PDE3B: variants seen among roughly 807,000 people sequenced by gnomAD.
PDE3B encodes the protein cGMP-inhibited 3',5'-cyclic phosphodiesterase 3B.
In PDE3B, 66 loss-of-function variants were observed where a neutral mutation model predicts 116.8. The observed-to-expected ratio is 0.56, with a 90% confidence interval of 0.46 to 0.69. The LOEUF is 0.69. Ranked by LOEUF, PDE3B falls within the 30% of genes least tolerant of loss-of-function variation. The probability of loss-of-function intolerance (pLI) is 0.00; values close to 1 mark genes in which losing one functional copy is unlikely to be tolerated. For synonymous variants in PDE3B, 595 were observed against 533.6 expected (o/e 1.12, Z -1.59); for missense variants, 1,384 against 1,368.1 (o/e 1.01, Z -0.18).
At chr11:14,821,691 C>T (rs568944531) in intron 7 of PDE3B, among the ~76,000 whole-genome samples, 6 of 152,124 alleles carry the variant, frequency 3.9e-5, no homozygotes, top group Admixed American at 6.5e-5. Context: ...AGTAATACTT[C>T]CAGATCATCA....
chr11:14,673,668 T>C (rs1204453196), intron 1 of PDE3B: 2 of 714,322 alleles, frequency 2.8e-6, no homozygotes, highest in Admixed American at 1.8e-5. Flanking sequence ...TGCCAGGTAC[T>C]TCAGGAAATC....
chr11:14,736,613 C>G (rs2133859995), intron 1 of PDE3B, among the ~76,000 whole-genome samples: 1 of 152,184 alleles, frequency 6.6e-6, no homozygotes, highest in Non-Finnish European at 1.5e-5. Flanking sequence ...TCAAATATCC[C>G]AATACAGATG....
chr11:14,718,575 C>G (rs1379544064), intron 1 of PDE3B, among the ~76,000 whole-genome samples: 1 of 149,696 alleles, frequency 6.7e-6, no homozygotes, highest in African/African-American at 2.4e-5. Context: ...AACTATCTCT[C>G]AGACCACAGT....
the PDE3B span, among the ~76,000 whole-genome samples, chr11:14,894,679 C>T: frequency 6.6e-6 from 1 of 152,166 alleles, no homozygotes; most frequent in Non-Finnish European, 1.5e-5. Context: ...CACAGCTCCC[C>T]TTGAGAGATA....
chr11:14,825,957 T>TA (rs983362599), intron 7 of PDE3B, among the ~76,000 whole-genome samples: 22 of 152,030 alleles, frequency 1.4e-4, no homozygotes, highest in East Asian at 1.2e-3. Flanking sequence ...AAATCAAGAC[T>TA]AAAAAAAATC....
chr11:14,734,727 G>A (rs376711917), intron 1 of PDE3B, among the ~76,000 whole-genome samples: 1 of 151,798 alleles, frequency 6.6e-6, no homozygotes, highest in South Asian at 2.1e-4. Flanking sequence ...AAATTTATTC[G>A]GTGGAAATCT....
At chr11:14,865,693 T>C (rs1312031831) in intron 14 of PDE3B, among the ~76,000 whole-genome samples, 1 of 152,180 alleles carries the variant, frequency 6.6e-6, no homozygotes, top group African/African-American at 2.4e-5. Flanking sequence ...ACCTAATTTG[T>C]AAGATTATAC....
chr11:14,745,676 C>T lies in PDE3B; in HGVS notation c.979-26261C>T, dbSNP rs1856892596. ...TATGTATATTTTTTTTATTTTCCTTCTCCTTTTATTTTTCCTCCTTTCCTC... is the reference window on the plus strand; with the variant it reads ...TATGTATATTTTTTTTATTTTCCTTTTCCTTTTATTTTTCCTCCTTTCCTC... On this transcript the variant is annotated intron_variant, in intron 1 of 15. Coordinates refer to ENST00000282096, the MANE Select transcript of PDE3B (RefSeq NM_000922.4). 3.3e-5 allele frequency among the ~76,000 whole-genome samples: 5 copies of T among 152,190 alleles called. No individual in the cohort carries two copies. In the South Asian group the frequency reaches 1.0e-3, roughly 32 times the overall value.
chr11:14,787,490 T>C (rs901141924), intron 3 of PDE3B, among the ~76,000 whole-genome samples: 2 of 151,956 alleles, frequency 1.3e-5, no homozygotes, highest in African/African-American at 2.4e-5. Context: ...AACTTAGAAA[T>C]AGGTAAATAT....
At chr11:14,650,207 T>TGGGTTTTTTGGGGTCTTTTGGGTTGTTG (rs1853533471) in intron 1 of PDE3B, among the ~76,000 whole-genome samples, 1 of 151,674 alleles carries the variant, frequency 6.6e-6, no homozygotes, top group African/African-American at 2.4e-5. Flanking sequence ...CAATGTTTTT[T>TGGGTTTTTTGGGGTCTTTTGGGTTGTTG]TTTTTTTTTT....
At chr11:14,793,670 T>C (rs1858459879) in intron 4 of PDE3B, among the ~76,000 whole-genome samples, 1 of 152,252 alleles carries the variant, frequency 6.6e-6, no homozygotes, top group Non-Finnish European at 1.5e-5. Flanking sequence ...GGGAAAAAAA[T>C]AGGCAAGTTG....
chr11:14,668,826 T>C (rs1565083462), intron 1 of PDE3B, among the ~76,000 whole-genome samples: 1 of 151,898 alleles, frequency 6.6e-6, no homozygotes, highest in Non-Finnish European at 1.5e-5. Context: ...AACACTACTA[T>C]GTCAAAAAGG....
At chr11:14,816,448 C>A (rs1357144409) in intron 5 of PDE3B, among the ~76,000 whole-genome samples, 1 of 152,142 alleles carries the variant, frequency 6.6e-6, no homozygotes, top group Non-Finnish European at 1.5e-5. Context: ...GGTTATAAAT[C>A]TGCCTGCATC....
intron 1 of PDE3B, among the ~76,000 whole-genome samples, chr11:14,762,907 G>A (rs912903201): frequency 6.6e-6 from 1 of 152,126 alleles, no homozygotes; most frequent in African/African-American, 2.4e-5. Context: ...TGGGGAGGAA[G>A]GTCAGTTCAG....
chr11:14,884,957 C>G, the PDE3B span, among the ~76,000 whole-genome samples: 1 of 152,094 alleles, frequency 6.6e-6, no homozygotes, highest in Non-Finnish European at 1.5e-5. Context: ...TCATTATACT[C>G]TGGCCTGAGA....
At chr11:14,668,849 C>T (rs965052408) in intron 1 of PDE3B, among the ~76,000 whole-genome samples, 4 of 139,354 alleles carry the variant, frequency 2.9e-5, no homozygotes, top group African/African-American at 8.1e-5. Flanking sequence ...GAAAAGCCAG[C>T]GATCCAACCA....
chr11:14,706,285 A>G (rs1333998192), intron 1 of PDE3B, among the ~76,000 whole-genome samples: 1 of 151,908 alleles, frequency 6.6e-6, no homozygotes, highest in African/African-American at 2.4e-5. Context: ...ATGAAGAAGG[A>G]AAATTAAAAT....
intron 9 of PDE3B, 47 bp from the exon 10 acceptor site, chr11:14,832,675 T>C (rs755761239): frequency 9.6e-6 from 7 of 727,148 alleles, no homozygotes; most frequent in Non-Finnish European, 1.1e-5. Context: ...CAGCTACAAA[T>C]AGAAATTCTG....
chr11:14,859,294 T>C, intron 13 of PDE3B, 48 bp downstream of exon 13: 1 of 1,294,358 alleles, frequency 7.7e-7, no homozygotes, highest in Non-Finnish European at 1.1e-6. Context: ...TTATTGTCAG[T>C]GTTACTGATA....
Sources: gnomAD v4.1 joint callset for allele counts (sites outside exome capture counted in the v4.1 genomes callset) on GRCh38, gnomAD v4.1.1 for gene constraint, MANE v1.5 for transcripts, NCBI Gene and HGNC (gene_info 2026-07-23, HGNC 2026-07-21) for gene names.